THTPA: variants seen among roughly 807,000 people sequenced by gnomAD.
THTPA encodes the protein thiamine triphosphatase.
Under a neutral mutation model 16.5 loss-of-function variants are expected in THTPA, and 16 were observed. The observed-to-expected ratio is 0.97, with a 90% CI of 0.66 to 1.47. The LOEUF is 1.47. Ranked by LOEUF, THTPA falls within the 40% of genes most tolerant of loss-of-function variation. THTPA has a pLI of 0.00. For missense variants in THTPA, 281 were observed against 280.9 expected (o/e 1.00, Z 0.00); for synonymous variants, 110 against 115.5 (o/e 0.95, Z 0.30).
the THTPA span, chr14:23,535,151 GT>G: frequency 6.5e-7 from 1 of 1,536,036 alleles, no homozygotes; most frequent in Non-Finnish European, 8.7e-7. The surrounding 1 kb of genome is among the most constrained non-coding windows in gnomAD (Gnocchi z 4.5). Context: ...TCCAGGAGCT[GT>G]CCCCCTGGCT....
chr14:23,539,545 A>G, the THTPA span, among the ~76,000 whole-genome samples: 2 of 152,332 alleles, frequency 1.3e-5, no homozygotes, highest in Admixed American at 1.3e-4. Context: ...TAAGGACCGG[A>G]GAATTACAAG....
At chr14:23,534,132 C>T in the THTPA span, 13 of 1,478,630 alleles carry the variant, frequency 8.8e-6, no homozygotes, top group South Asian at 1.4e-5. This position sits in a 1 kb window ranked among gnomAD's most constrained non-coding sequence, Gnocchi z 4.5. Context: ...GAGTGCCCCC[C>T]TCCTTGGAGG....
chr14:23,519,099 C>T, the THTPA span, among the ~76,000 whole-genome samples: 7 of 151,976 alleles, frequency 4.6e-5, no homozygotes, highest in African/African-American at 1.5e-4. Context: ...CTGTTGGGAC[C>T]GCACGTGGTA....
the THTPA span, chr14:23,525,663 G>T: frequency 2.6e-6 from 4 of 1,535,376 alleles, no homozygotes; most frequent in Non-Finnish European, 1.7e-6. This position sits in a 1 kb window ranked among gnomAD's most constrained non-coding sequence, Gnocchi z 5.9. Context: ...GGGTCGGGGG[G>T]TGAGGAAGGC....
At chr14:23,525,079 T>A in the THTPA span, 1 of 1,535,966 alleles carries the variant, frequency 6.5e-7, no homozygotes, top group African/African-American at 1.4e-5. The surrounding 1 kb of genome is among the most constrained non-coding windows in gnomAD (Gnocchi z 5.9). Context: ...CCTCTCCGTC[T>A]TTGGGGTAGG....
chr14:23,535,121 G>A, the THTPA span: 1 of 1,536,148 alleles, frequency 6.5e-7, no homozygotes, highest in South Asian at 1.2e-5. The surrounding 1 kb of genome is among the most constrained non-coding windows in gnomAD (Gnocchi z 4.5). Context: ...TCCTTTGGTG[G>A]GACGAGGCCA....
chr14:23,543,727 T>G, the THTPA span: 1 of 152,080 alleles, frequency 6.6e-6, no homozygotes, highest in African/African-American at 2.4e-5. Flanking sequence ...GAATGATATG[T>G]GTACCCATTT....
the THTPA span, chr14:23,531,389 T>C: frequency 7.5e-7 from 1 of 1,328,186 alleles, no homozygotes; most frequent in Non-Finnish European, 9.6e-7. Flanking sequence ...CCTCTTCGCC[T>C]TCCTTGTATC....
Position 23,557,249 on chromosome 14 carries a change from G to A in THTPA, c.492G>A (p.Glu164=), listed in dbSNP as rs144457047. 8.1e-6 allele frequency: 13 copies of A among 1,611,804 alleles called. No homozygotes were observed. In the African/African-American group the frequency reaches 1.3e-4, roughly 17 times the overall value. ...GTGAGGTAGAGGCCCTGGTGCATGA[G>A]GAGGCTGAAGTACCAACTGCCCTAG... is the stretch of plus-strand genomic sequence containing the variant. The part of the protein sequence containing the change: ...AVGEVEALVH[E]EAEVPTALEK... The change falls in exon 1 of 2, where the codon GAG becomes GAA. Residue 164 remains glutamate, a synonymous_variant. Coordinates refer to ENST00000288014, the MANE Select transcript of THTPA (RefSeq NM_024328.6).
At chr14:23,535,688 G>A in the THTPA span, among the ~76,000 whole-genome samples, 1 of 152,074 alleles carries the variant, frequency 6.6e-6, no homozygotes. The surrounding 1 kb of genome is among the most constrained non-coding windows in gnomAD (Gnocchi z 4.5). Context: ...CACCTCCTGG[G>A]TTCAAGTGAT....
the THTPA span, chr14:23,534,865 C>T: frequency 6.5e-7 from 1 of 1,536,110 alleles, no homozygotes. The surrounding 1 kb of genome is among the most constrained non-coding windows in gnomAD (Gnocchi z 4.5). Flanking sequence ...GAAGGGCAGA[C>T]TGGGCTCTTC....
the THTPA span, chr14:23,527,456 A>C: frequency 9.5e-7 from 1 of 1,051,598 alleles, no homozygotes; most frequent in Non-Finnish European, 1.4e-6. Flanking sequence ...GCCTTGTCGG[A>C]CCGTCCTCAC....
the THTPA span, chr14:23,535,360 G>A: frequency 1.2e-5 from 18 of 1,440,360 alleles, no homozygotes; most frequent in African/African-American, 8.6e-5. The surrounding 1 kb of genome is among the most constrained non-coding windows in gnomAD (Gnocchi z 4.5). Flanking sequence ...TCATGTCAGC[G>A]TGACAGCCAG....
At chr14:23,530,240 G>A in the THTPA span, 1 of 1,392,160 alleles carries the variant, frequency 7.2e-7, no homozygotes, top group Admixed American at 2.0e-5. Context: ...TGTGGCATCA[G>A]GGAAGGGAGG....
chr14:23,543,614 A>T, the THTPA span: 5 of 152,330 alleles, frequency 3.3e-5, no homozygotes, highest in Non-Finnish European at 7.3e-5. Flanking sequence ...ACTGCAGTCC[A>T]TGCAGGGGCA....
chr14:23,518,947 C>T, the THTPA span, among the ~76,000 whole-genome samples: 1 of 152,198 alleles, frequency 6.6e-6, no homozygotes, highest in Non-Finnish European at 1.5e-5. This position sits in a 1 kb window ranked among gnomAD's most constrained non-coding sequence, Gnocchi z 4.5. Flanking sequence ...GGAAGGAATG[C>T]TTCCAGCCAC....
chr14:23,534,234 T>C, the THTPA span: 3 of 1,519,476 alleles, frequency 2.0e-6, no homozygotes, highest in South Asian at 3.7e-5. This position sits in a 1 kb window ranked among gnomAD's most constrained non-coding sequence, Gnocchi z 4.5. Flanking sequence ...CTGCTGCTAC[T>C]GGCGATTCTT....
the THTPA span, among the ~76,000 whole-genome samples, chr14:23,536,451 T>C: frequency 6.6e-6 from 1 of 152,202 alleles, no homozygotes. Flanking sequence ...GGTCACAGCA[T>C]GTGGAACAGA....
At chr14:23,540,954 G>A in the THTPA span, among the ~76,000 whole-genome samples, 2 of 151,634 alleles carry the variant, frequency 1.3e-5, no homozygotes, top group African/African-American at 4.9e-5. Context: ...CACCCAGGGT[G>A]GAGTGCAATG....
Sources: gnomAD v4.1 joint callset for allele counts (sites outside exome capture counted in the v4.1 genomes callset) on GRCh38, gnomAD v4.1.1 for gene constraint, Gnocchi (gnomAD v3.1) non-coding constraint, MANE v1.5 for transcripts, NCBI Gene and HGNC (gene_info 2026-07-23, HGNC 2026-07-21) for gene names.